NKAIN3: variants seen among roughly 807,000 people sequenced by gnomAD.
NKAIN3 encodes sodium/potassium transporting ATPase interacting 3.
A neutral mutation model predicts 30.2 loss-of-function variants in NKAIN3; 25 were observed. The ratio of observed to expected loss-of-function variants is 0.83; its 90% CI spans 0.60 to 1.16. The LOEUF (loss-of-function observed/expected upper bound fraction) is 1.16. Among genes scored for constraint, NKAIN3 ranks in the 50% most tolerant of loss-of-function variants. The pLI is 0.00. For synonymous variants in NKAIN3, 91 were observed against 89.6 expected, an observed-to-expected ratio of 1.02 and a Z score of -0.09; for missense variants, 225 against 254.1, an observed-to-expected ratio of 0.89 and a Z score of 0.78.
downstream of NKAIN3, among the ~76,000 whole-genome samples, chr8:62,988,256 C>CT (rs1010347623): frequency 6.6e-6 from 1 of 152,166 alleles, no homozygotes; most frequent in African/African-American, 2.4e-5. Flanking sequence ...GTCAGTGGGT[C>CT]TACCATTCTG....
chr8:62,852,097 G>C (rs993972874), intron 4 of NKAIN3, among the ~76,000 whole-genome samples: 1 of 151,968 alleles, frequency 6.6e-6, no homozygotes, highest in Non-Finnish European at 1.5e-5. Flanking sequence ...GACTTTTTTT[G>C]GTTGGTAAGC....
chr8:62,804,957 A>G (rs1818216905), intron 4 of NKAIN3, among the ~76,000 whole-genome samples: 1 of 152,224 alleles, frequency 6.6e-6, no homozygotes, highest in African/African-American at 2.4e-5. Flanking sequence ...GCAAAGTCTC[A>G]GGATACAAAA....
At chr8:62,827,600 C>T (rs533355236) in intron 4 of NKAIN3, among the ~76,000 whole-genome samples, 52 of 152,110 alleles carry the variant, frequency 3.4e-4, no homozygotes, top group Non-Finnish European at 6.6e-4. Context: ...CTCTCTGACA[C>T]CTGCTCCCAA....
At chr8:62,253,766 G>A (rs1812181154) in intron 1 of NKAIN3, among the ~76,000 whole-genome samples, 2 of 152,102 alleles carry the variant, frequency 1.3e-5, no homozygotes, top group African/African-American at 2.4e-5. Flanking sequence ...GTAGGGGGGT[G>A]GTGTAGCTGT....
rs578005949 is a variant in NKAIN3 at position 62,946,379 on chromosome 8, G to C, written c.533-7523G>C. 2.6e-5 allele frequency among the ~76,000 whole-genome samples: 4 copies of C among 152,308 alleles called. No homozygotes were observed. In the South Asian group the frequency reaches 8.3e-4, roughly 32 times the overall value. On this transcript the variant is annotated intron_variant, in intron 5 of 6. Coordinates refer to ENST00000623646, the MANE Select transcript of NKAIN3 (RefSeq NM_001304533.3). ...CTGTGGCCTGTGTTTTGGCACAGCA[G>C]GCCGTGCCTACTGAATGCTCAGATT...
rs138081440 is a variant in NKAIN3 at position 62,366,728 on chromosome 8, G to A, written c.54+117601G>A. 1.4e-3 allele frequency among the ~76,000 whole-genome samples: 215 copies of A among 151,040 alleles called. 1 individual carries two copies. Among genetic ancestry groups the A allele is most frequent in the African/African-American group, 4.4e-3 (183 of 41,144 alleles). On this transcript the variant is annotated intron_variant, in intron 1 of 6. Coordinates refer to ENST00000623646, the MANE Select transcript of NKAIN3 (RefSeq NM_001304533.3). ...TCTGATCTTTATTTTTTCTTTCCTC[G>A]TACTAACTTTGGATTGAGTTTGTTT...
intron 4 of NKAIN3, among the ~76,000 whole-genome samples, chr8:62,820,780 T>C (rs1373052342): frequency 2.6e-5 from 4 of 152,246 alleles, no homozygotes; most frequent in Admixed American, 2.0e-4. Flanking sequence ...TTGATTATGT[T>C]AGAATACCAT....
At chr8:62,603,809 A>C (rs1811048748) in intron 3 of NKAIN3, among the ~76,000 whole-genome samples, 1 of 152,116 alleles carries the variant, frequency 6.6e-6, no homozygotes, top group Non-Finnish European at 1.5e-5. Context: ...GATAAGTTTG[A>C]GAATGCAAGG....
At chr8:62,855,632 G>A (rs1389386920) in intron 4 of NKAIN3, 29 of 1,603,886 alleles carry the variant, frequency 1.8e-5, no homozygotes, top group Non-Finnish European at 2.5e-5. Context: ...CAAATCCAAG[G>A]CCAAGGCCTC....
chr8:62,582,376 C>T (rs185435183), intron 2 of NKAIN3, among the ~76,000 whole-genome samples: 54 of 152,178 alleles, frequency 3.5e-4, no homozygotes, highest in African/African-American at 1.3e-3. Context: ...GAGAGGTGTG[C>T]CTTTATCAAA....
At chr8:62,499,752 T>C (rs1807359957) in intron 1 of NKAIN3, among the ~76,000 whole-genome samples, 1 of 152,132 alleles carries the variant, frequency 6.6e-6, no homozygotes, top group Non-Finnish European at 1.5e-5. Context: ...ATCCCACTAA[T>C]AAAACCTTGA....
At chr8:62,328,970 C>T (rs1292174429) in intron 1 of NKAIN3, among the ~76,000 whole-genome samples, 4 of 151,970 alleles carry the variant, frequency 2.6e-5, no homozygotes, top group Non-Finnish European at 5.9e-5. Flanking sequence ...AGTAAAAGAT[C>T]GACTTCCATC....
At chr8:62,551,702 C>T (rs970603158) in intron 1 of NKAIN3, among the ~76,000 whole-genome samples, 1 of 152,122 alleles carries the variant, frequency 6.6e-6, no homozygotes, top group African/African-American at 2.4e-5. Context: ...ATTATAAAAA[C>T]CAACCAGTCA....
chr8:62,814,029 T>C (rs953898786), intron 4 of NKAIN3, among the ~76,000 whole-genome samples: 6 of 152,118 alleles, frequency 3.9e-5, no homozygotes, highest in African/African-American at 1.4e-4. Flanking sequence ...AGGATTCCCT[T>C]ACATGTGACT....
chr8:62,700,031 A>G (rs547126813), intron 3 of NKAIN3, among the ~76,000 whole-genome samples: 1 of 152,152 alleles, frequency 6.6e-6, no homozygotes, highest in Admixed American at 6.5e-5. Context: ...TGGGTAAGCT[A>G]AAGTAGGCAC....
chr8:62,840,978 A>G (rs17181482), intron 4 of NKAIN3, among the ~76,000 whole-genome samples: 12,471 of 152,156 alleles, frequency 0.082, 567 homozygotes, highest in South Asian at 0.14. Context: ...GAACTCAGCT[A>G]GAGGGTTCAC....
chr8:62,953,130 T>A (rs1823330793), intron 5 of NKAIN3, among the ~76,000 whole-genome samples: 1 of 150,296 alleles, frequency 6.7e-6, no homozygotes, highest in Non-Finnish European at 1.5e-5. Flanking sequence ...GCTTGGCATT[T>A]ACACACAAAC....
chr8:62,509,065 A>G (rs2129724705), intron 1 of NKAIN3, among the ~76,000 whole-genome samples: 2 of 152,224 alleles, frequency 1.3e-5, no homozygotes, highest in South Asian at 2.1e-4. Context: ...CTTTTTACGG[A>G]AGCAAAAATA....
intron 1 of NKAIN3, among the ~76,000 whole-genome samples, chr8:62,444,193 A>G (rs1480495263): frequency 6.6e-6 from 1 of 152,174 alleles, no homozygotes; most frequent in African/African-American, 2.4e-5. Context: ...AGGACAAATC[A>G]GGGTAATTGA....
Sources: gnomAD v4.1 joint callset for allele counts (sites outside exome capture counted in the v4.1 genomes callset) on GRCh38, gnomAD v4.1.1 for gene constraint, MANE v1.5 for transcripts, NCBI Gene and HGNC (gene_info 2026-07-23, HGNC 2026-07-21) for gene names.